The following CALN1 variants were observed in gnomAD, a reference collection of about 807,000 sequenced individuals.
The protein encoded by CALN1 is calneuron 1, also known as calcium-binding protein 8.
In CALN1, 17 loss-of-function variants were observed where a neutral mutation model predicts 30.6. The ratio of observed to expected loss-of-function variants is 0.56; its 90% CI spans 0.38 to 0.83. The LOEUF (loss-of-function observed/expected upper bound fraction) is 0.83. CALN1 is among the 40% of genes least tolerant of loss of function. The pLI, the probability that CALN1 is intolerant of heterozygous loss-of-function variation, is 0.00. For missense variants in CALN1, 291 were observed against 354.9 expected, an observed-to-expected ratio of 0.82 and a Z score of 1.45; for synonymous variants, 156 against 131.4, an observed-to-expected ratio of 1.19 and a Z score of -1.28.
chr7:72,143,585 G>C (rs527542207), intron 3 of CALN1, among the ~76,000 whole-genome samples: 1 of 152,304 alleles, frequency 6.6e-6, no homozygotes, highest in East Asian at 1.9e-4. Context: ...CCCCAATCTA[G>C]CAAGGCAGGC....
chr7:72,261,370 G>A (rs895464992), intron 3 of CALN1, among the ~76,000 whole-genome samples: 7 of 151,504 alleles, frequency 4.6e-5, no homozygotes, highest in African/African-American at 1.7e-4. Context: ...CATGTAAATG[G>A]TGGCACACTC....
At chr7:72,001,857 AAATC>A (rs1190208163) in intron 5 of CALN1, among the ~76,000 whole-genome samples, 12 of 152,202 alleles carry the variant, frequency 7.9e-5, no homozygotes, top group Admixed American at 2.0e-4. Flanking sequence ...CAACAGCCAA[AAATC>A]AATCAATTTA....
chr7:71,809,967 C>T (rs1441343830), intron 6 of CALN1, among the ~76,000 whole-genome samples: 4 of 152,062 alleles, frequency 2.6e-5, no homozygotes, highest in African/African-American at 7.2e-5. Context: ...GGTCACACAA[C>T]GGACTCGACC....
the CALN1 span, among the ~76,000 whole-genome samples, chr7:72,464,849 C>T: frequency 1.3e-5 from 2 of 152,208 alleles, no homozygotes; most frequent in African/African-American, 4.8e-5. Context: ...CCAGAAACCA[C>T]CAGTGCCCTT....
chr7:71,901,020 T>C (rs1793818309), intron 5 of CALN1, among the ~76,000 whole-genome samples: 1 of 152,144 alleles, frequency 6.6e-6, no homozygotes, highest in Non-Finnish European at 1.5e-5. Flanking sequence ...CACTGTCTCA[T>C]TCTTGAGCAG....
intron 6 of CALN1, among the ~76,000 whole-genome samples, chr7:71,792,390 C>G (rs967786349): frequency 1.3e-5 from 2 of 152,062 alleles, no homozygotes; most frequent in Non-Finnish European, 2.9e-5. Flanking sequence ...TATCTTTATT[C>G]CTTCTGAATC....
chr7:72,336,823 G>A (rs1028867082), intron 2 of CALN1: 3 of 984,980 alleles, frequency 3.0e-6, no homozygotes, highest in Non-Finnish European at 3.6e-6. Flanking sequence ...AGCGGGCAGC[G>A]CTCAGCCTCT....
At chr7:72,080,146 C>T (rs1805033650) in intron 4 of CALN1, among the ~76,000 whole-genome samples, 1 of 152,200 alleles carries the variant, frequency 6.6e-6, no homozygotes, top group South Asian at 2.1e-4. Context: ...TTACTGTAAA[C>T]ATGTCCTATG....
intron 5 of CALN1, among the ~76,000 whole-genome samples, chr7:71,955,712 T>C (rs959275739): frequency 6.6e-6 from 1 of 152,048 alleles, no homozygotes; most frequent in Non-Finnish European, 1.5e-5. Flanking sequence ...CCTGGCTCAA[T>C]AAGCCCCTGA....
chr7:71,929,794 C>T lies in CALN1; in HGVS notation c.501+93863G>A, dbSNP rs151019053. On this transcript the variant is annotated intron_variant, in intron 5 of 6. Coordinates refer to ENST00000395275, the MANE Select transcript of CALN1 (RefSeq NM_031468.4). ...ATGGAGTATATGGTAATTGTTCAGCCGTTTGAGGGATGCCAGACTGTCTTC... is the reference window on the plus strand; with the variant it reads ...ATGGAGTATATGGTAATTGTTCAGCTGTTTGAGGGATGCCAGACTGTCTTC... 1.3e-3 allele frequency among the ~76,000 whole-genome samples: 201 copies of T among 152,140 alleles called. 1 individual carries two copies. The highest frequency in any genetic ancestry group is 4.7e-3 in the African/African-American group (197 of 41,502).
chr7:71,945,224 C>G lies in CALN1; in HGVS notation c.501+78433G>C, dbSNP rs369141280. Among the ~76,000 whole-genome samples, 122 of 152,282 alleles carry G rather than the reference C, an allele frequency of 8.0e-4. 1 individual carries two copies. The highest frequency in any genetic ancestry group is 2.5e-3 in the African/African-American group (105 of 41,556). ...TCCCAAGGCCTCACCAGAAGCCAAT[C>G]AGATGTGGGTGCCATGATTCTTGTA... On this transcript the variant is annotated intron_variant, in intron 5 of 6. Transcript: ENST00000395275.
At chr7:72,463,721 G>A in the CALN1 span, among the ~76,000 whole-genome samples, 1 of 151,686 alleles carries the variant, frequency 6.6e-6, no homozygotes, top group Non-Finnish European at 1.5e-5. Flanking sequence ...CACTACCGCT[G>A]GCAAATTTTT....
intron 1 of CALN1, among the ~76,000 whole-genome samples, chr7:72,407,715 G>C (rs1016788834): frequency 6.6e-6 from 1 of 152,154 alleles, no homozygotes; most frequent in Non-Finnish European, 1.5e-5. Context: ...GAGCAGTGCA[G>C]TAACAGACTA....
intron 3 of CALN1, among the ~76,000 whole-genome samples, chr7:72,137,171 G>T (rs139646051): frequency 6.6e-6 from 1 of 152,300 alleles, no homozygotes; most frequent in East Asian, 1.9e-4. Flanking sequence ...GGGTTGGAGT[G>T]TCTCTGGTCG....
intron 1 of CALN1, among the ~76,000 whole-genome samples, chr7:72,432,817 T>C (rs770369478): frequency 6.6e-6 from 1 of 152,164 alleles, no homozygotes; most frequent in Non-Finnish European, 1.5e-5. Flanking sequence ...GCACCAGCTC[T>C]CACATCAGCA....
At chr7:71,974,437 A>AG (rs1798001200) in intron 5 of CALN1, among the ~76,000 whole-genome samples, 3 of 151,024 alleles carry the variant, frequency 2.0e-5, no homozygotes, top group Admixed American at 2.0e-4. Flanking sequence ...AAAAAAAAAA[A>AG]AAAAAGGAAA....
chr7:72,400,286 C>A (rs551614175), intron 2 of CALN1, among the ~76,000 whole-genome samples: 8 of 152,208 alleles, frequency 5.3e-5, no homozygotes, highest in African/African-American at 1.7e-4. Flanking sequence ...GAGTGGACAG[C>A]AATGAGCTTG....
intron 4 of CALN1, among the ~76,000 whole-genome samples, chr7:72,033,785 T>C (rs921187586): frequency 6.6e-6 from 1 of 152,054 alleles, no homozygotes; most frequent in African/African-American, 2.4e-5. Context: ...CTGCCCAGGC[T>C]TGGGTATGAA....
intron 1 of CALN1, among the ~76,000 whole-genome samples, chr7:72,411,097 G>T (rs1223212753): frequency 6.6e-6 from 1 of 152,178 alleles, no homozygotes; most frequent in Non-Finnish European, 1.5e-5. Context: ...TGTAGAAACA[G>T]AAGATAATGT....
Sources: allele counts gnomAD v4.1 joint callset (sites outside exome capture counted in the v4.1 genomes callset), GRCh38; gene constraint gnomAD v4.1.1; transcripts MANE v1.5; gene names NCBI Gene and HGNC (gene_info 2026-07-23, HGNC 2026-07-21).